SALL4: variants seen among roughly 807,000 people sequenced by gnomAD.
The protein encoded by SALL4 is sal-like protein 4.
In SALL4, 4 loss-of-function variants were observed where a neutral mutation model predicts 60.8. The ratio of observed to expected loss-of-function variants is 0.07; its 90% CI spans 0.03 to 0.15. The LOEUF (loss-of-function observed/expected upper bound fraction) is 0.15, where lower values mean the gene tolerates loss of function less well. Among genes scored for constraint, SALL4 ranks in the 10% least tolerant of loss-of-function variants. The probability of loss-of-function intolerance (pLI) is 1.00; values close to 1 mark genes in which losing one functional copy is unlikely to be tolerated. For synonymous variants in SALL4, 580 were observed against 574.9 expected (o/e 1.01, Z -0.13); for missense variants, 1,178 against 1,394.7 (o/e 0.84, Z 2.48).
At chr20:51,787,018 C>A (rs1041888566) in intron 3 of SALL4, among the ~76,000 whole-genome samples, 1 of 152,052 alleles carries the variant, frequency 6.6e-6, no homozygotes, top group African/African-American at 2.4e-5. Context: ...TCGCTTGAAC[C>A]CAGGAGGCGG....
At chr20:51,787,856 C>G (rs1032586727) in intron 3 of SALL4, among the ~76,000 whole-genome samples, 6 of 152,068 alleles carry the variant, frequency 3.9e-5, no homozygotes, top group Non-Finnish European at 8.8e-5. Context: ...GGGTCTTACT[C>G]TCTTGCCCAG....
intron 3 of SALL4, among the ~76,000 whole-genome samples, chr20:51,785,361 G>A (rs147747563): frequency 1.1e-3 from 171 of 152,284 alleles, no homozygotes; most frequent in African/African-American, 4.0e-3. Context: ...TGTACTGAAA[G>A]TGAGAAACAG....
At chr20:51,800,741 C>T (rs1568870301) in intron 1 of SALL4, among the ~76,000 whole-genome samples, 1 of 151,546 alleles carries the variant, frequency 6.6e-6, no homozygotes, top group Non-Finnish European at 1.5e-5. Flanking sequence ...CCCACCCCGC[C>T]CCCAACCAAG....
Position 51,788,831 on chromosome 20 carries a change from C to T in SALL4, c.2742+30G>A, listed in dbSNP as rs766719650. ...TAAGAAGACACCTGGTGCCTAGCCC[C>T]CATCCTGCTGAAAGCCCACACAAAC... On this transcript the variant is annotated intron_variant, in intron 3 of 3. Coordinates refer to ENST00000217086, the MANE Select transcript of SALL4 (RefSeq NM_020436.5). The surrounding 1 kb of genome is among the most constrained non-coding windows in gnomAD (Gnocchi z 4.1). 8 of 1,612,362 alleles carry T rather than the reference C, an allele frequency of 5.0e-6. No homozygotes were observed. The highest frequency in any genetic ancestry group is 5.1e-6 in the Non-Finnish European group (6 of 1,180,014).
chr20:51,793,532 C>T (rs2078062390), intron 1 of SALL4, among the ~76,000 whole-genome samples: 1 of 152,190 alleles, frequency 6.6e-6, no homozygotes, highest in Non-Finnish European at 1.5e-5. Flanking sequence ...TCTTGGCTCA[C>T]TGTAACCTCC....
rs2078111790 is a variant in SALL4 at position 51,801,858 on chromosome 20, T to G, written c.130+421A>C. 2.9e-5 allele frequency among the ~76,000 whole-genome samples: 3 copies of G among 102,588 alleles called. No individual in the cohort carries two copies. The highest frequency in any genetic ancestry group is 8.4e-5 in the African/African-American group (2 of 23,730). 67.3% of individuals were successfully genotyped at this position (102,588 alleles called of 152,430 possible). On this transcript the variant is annotated intron_variant, in intron 1 of 3. Transcript: ENST00000217086. The surrounding 1 kb of genome is among the most constrained non-coding windows in gnomAD (Gnocchi z 5.2). ...AGCCCCAAGGGGCTGGTGGAGAGGG[T>G]GGGGATCCCCCGGGGTTCTTTCTTT...
At chr20:51,793,881 G>A (rs2078064596) in intron 1 of SALL4, among the ~76,000 whole-genome samples, 2 of 152,012 alleles carry the variant, frequency 1.3e-5, no homozygotes, top group Non-Finnish European at 2.9e-5. Context: ...CTGGGGGTGG[G>A]TCAGGGGAAG....
At chr20:51,797,676 ACAGCAAC>A (rs2078086779) in intron 1 of SALL4, 1 of 152,054 alleles carries the variant, frequency 6.6e-6, no homozygotes, top group Non-Finnish European at 1.5e-5. Context: ...GAGGGATTAC[ACAGCAAC>A]TAGTTCTTCC....
chr20:51,784,816 G>A lies in SALL4; in HGVS notation c.2743-132C>T, dbSNP rs58347405. 320,869 of 1,030,726 alleles carry A rather than the reference G, an allele frequency of 0.31. 52,793 individuals carry two copies. Among genetic ancestry groups the A allele is most frequent in the East Asian group, 0.5 (20,243 of 40,510 alleles). 63.8% of individuals were successfully genotyped at this position (1,030,726 alleles called of 1,614,324 possible). A position where few individuals can be genotyped will look rare whatever the true frequency, so the allele number is the denominator to read the frequency against. ...ATATAGATGATCCTTGACTTACAGC[G>A]GGGTTATGCCCAGATAAACTGATTG... On this transcript the variant is annotated intron_variant, in intron 3 of 3. Transcript: ENST00000217086.
At chr20:51,800,367 G>A (rs1294124892) in intron 1 of SALL4, among the ~76,000 whole-genome samples, 1 of 152,210 alleles carries the variant, frequency 6.6e-6, no homozygotes, top group Non-Finnish European at 1.5e-5. Context: ...TGGGCTGTCC[G>A]CGACAACCCT....
intron 3 of SALL4, among the ~76,000 whole-genome samples, chr20:51,787,479 C>G (rs996183189): frequency 3.3e-5 from 5 of 152,110 alleles, no homozygotes; most frequent in Non-Finnish European, 7.4e-5. Context: ...ATAATTGCTA[C>G]AGAGAAAAAT....
chr20:51,801,103 G>A lies in SALL4; in HGVS notation c.130+1176C>T, dbSNP rs2078106919. Among the ~76,000 whole-genome samples the A allele has an allele frequency of 6.6e-6, 1 of 152,110 alleles. No homozygotes were observed. The highest frequency in any genetic ancestry group is 6.6e-5 in the Admixed American group (1 of 15,258). On this transcript the variant is annotated intron_variant, in intron 1 of 3. Coordinates refer to ENST00000217086, the MANE Select transcript of SALL4 (RefSeq NM_020436.5). The surrounding 1 kb of genome is among the most constrained non-coding windows in gnomAD (Gnocchi z 5.2). ...GAGCGGAGCGACGAACAAGGCCGGA[G>A]AGGAGGCTACAAATCCCCCCTCCCC... is the stretch of plus-strand genomic sequence containing the variant.
intron 1 of SALL4, among the ~76,000 whole-genome samples, chr20:51,793,353 C>T (rs570483106): frequency 1.3e-5 from 2 of 152,018 alleles, no homozygotes; most frequent in Non-Finnish European, 2.9e-5. Flanking sequence ...CTGAGCATGG[C>T]AGCGTCCATG....
At chr20:51,794,048 C>T (rs1382796552) in intron 1 of SALL4, among the ~76,000 whole-genome samples, 4 of 152,194 alleles carry the variant, frequency 2.6e-5, no homozygotes, top group Non-Finnish European at 5.9e-5. Context: ...ATGACAACCT[C>T]GTGATTAGAT....
chr20:51,787,054 C>G (rs2077997948), intron 3 of SALL4, among the ~76,000 whole-genome samples: 1 of 151,796 alleles, frequency 6.6e-6, no homozygotes, highest in Non-Finnish European at 1.5e-5. Flanking sequence ...AAGATGGCAC[C>G]ACTGCACTCC....
intron 3 of SALL4, among the ~76,000 whole-genome samples, chr20:51,787,625 G>A (rs947915455): frequency 1.3e-5 from 2 of 151,570 alleles, no homozygotes; most frequent in African/African-American, 4.8e-5. Context: ...TTTCCTGTCT[G>A]GCTTTCAAGT....
Position 51,784,091 on chromosome 20 carries a change from T to C in SALL4, c.*174A>G. Reference sequence around the variant, plus strand: ...TTTTTCAACTTTTTGCAAAGCAGCATAGCAACAATCGTGATTGTAGCACTT... The same window carrying C: ...TTTTTCAACTTTTTGCAAAGCAGCACAGCAACAATCGTGATTGTAGCACTT... On this transcript the variant is annotated 3_prime_UTR_variant, in exon 4 of 4. Coordinates refer to ENST00000217086, the MANE Select transcript of SALL4 (RefSeq NM_020436.5). 1 of 711,860 alleles carries C rather than the reference T, an allele frequency of 1.4e-6. No individual in the cohort carries two copies. Among genetic ancestry groups the C allele is most frequent in the Non-Finnish European group, 2.3e-6 (1 of 425,820 alleles). The allele number at this position is 711,860 out of a possible 1,614,324, so 44.1% of individuals were successfully genotyped here.
At chr20:51,797,825 T>C (rs1268759937) in intron 1 of SALL4, among the ~76,000 whole-genome samples, 1 of 148,190 alleles carries the variant, frequency 6.7e-6, no homozygotes, top group African/African-American at 2.5e-5. Context: ...GGATAGAAAA[T>C]ACTCTTACTA....
chr20:51,798,444 T>G (rs577962753), intron 1 of SALL4, among the ~76,000 whole-genome samples: 73 of 136,222 alleles, frequency 5.4e-4, no homozygotes, highest in African/African-American at 1.9e-3. Flanking sequence ...GACACAGACA[T>G]ACAATTTGTT....
Sources: gnomAD v4.1 joint callset for allele counts (sites outside exome capture counted in the v4.1 genomes callset) on GRCh38, gnomAD v4.1.1 for gene constraint, Gnocchi (gnomAD v3.1) non-coding constraint, MANE v1.5 for transcripts, NCBI Gene and HGNC (gene_info 2026-07-23, HGNC 2026-07-21) for gene names.